The following TXK variants were observed in gnomAD, a reference collection of about 807,000 sequenced individuals.
TXK encodes TXK tyrosine kinase, also known as tyrosine-protein kinase TXK.
Under a neutral mutation model 81.0 loss-of-function variants are expected in TXK, and 60 were observed. The observed-to-expected ratio is 0.74, with a 90% CI of 0.60 to 0.92. The LOEUF (loss-of-function observed/expected upper bound fraction) is 0.92, where lower values mean the gene tolerates loss of function less well. Ranked by LOEUF, TXK falls within the 40% of genes least tolerant of loss-of-function variation. The pLI, the probability that TXK is intolerant of heterozygous loss-of-function variation, is 0.00. For missense variants in TXK, 581 were observed against 638.3 expected, an observed-to-expected ratio of 0.91 and a Z score of 0.97; for synonymous variants, 203 against 210.7, an observed-to-expected ratio of 0.96 and a Z score of 0.32.
chr4:48,116,786 C>T lies in TXK; in HGVS notation c.17-2384G>A, dbSNP rs567269930. Among the ~76,000 whole-genome samples the T allele has an allele frequency of 4.9e-4, 74 of 152,354 alleles. No homozygotes were observed. In the South Asian group the frequency reaches 5.8e-3, roughly 12 times the overall value. On this transcript the variant is annotated intron_variant, in intron 1 of 14. Coordinates refer to ENST00000264316, the MANE Select transcript of TXK (RefSeq NM_003328.3). Reference sequence around the variant, plus strand: ...GCCAGATGGTTGTATGTAAATCACACAGCAGCAAACAGCAGGCTGGTGAAA... The same window carrying T: ...GCCAGATGGTTGTATGTAAATCACATAGCAGCAAACAGCAGGCTGGTGAAA...
chr4:48,085,491 G>A (rs1234566613), intron 10 of TXK, among the ~76,000 whole-genome samples: 1 of 152,080 alleles, frequency 6.6e-6, no homozygotes, highest in Non-Finnish European at 1.5e-5. Flanking sequence ...CAGGAGGCAG[G>A]GAAATACTAG....
At chr4:48,089,666 A>T in intron 9 of TXK, 84 bp downstream of exon 9, 1 of 1,150,438 alleles carries the variant, frequency 8.7e-7, no homozygotes, top group Non-Finnish European at 1.3e-6. Flanking sequence ...TGCTAGGATT[A>T]CAGCTGTGAG....
intron 5 of TXK, among the ~76,000 whole-genome samples, chr4:48,108,716 T>A (rs1303777005): frequency 6.6e-6 from 1 of 152,212 alleles, no homozygotes; most frequent in Non-Finnish European, 1.5e-5. Context: ...AAAGGATGAT[T>A]TTTTAAAAAA....
intron 10 of TXK, among the ~76,000 whole-genome samples, chr4:48,081,826 C>T (rs749670240): frequency 6.6e-4 from 100 of 152,262 alleles, no homozygotes; most frequent in Non-Finnish European, 9.1e-4. Flanking sequence ...TCCCCCTAAA[C>T]CCGTTTGGTC....
At chr4:48,075,845 C>T (rs1216785278) in intron 12 of TXK, among the ~76,000 whole-genome samples, 1 of 152,052 alleles carries the variant, frequency 6.6e-6, no homozygotes, top group Non-Finnish European at 1.5e-5. Context: ...AGAACTTGGA[C>T]TTTGAAGCTT....
chr4:48,106,347 A>G (rs1424319504), intron 5 of TXK, among the ~76,000 whole-genome samples: 1 of 152,044 alleles, frequency 6.6e-6, no homozygotes, highest in Non-Finnish European at 1.5e-5. Flanking sequence ...ACAGTATTTC[A>G]GAATTTCATC....
At chr4:48,096,928 C>A (rs190314024) in intron 6 of TXK, among the ~76,000 whole-genome samples, 1 of 152,246 alleles carries the variant, frequency 6.6e-6, no homozygotes, top group East Asian at 1.9e-4. Flanking sequence ...CTCTGCTATG[C>A]AGTTCAAGCA....
intron 5 of TXK, among the ~76,000 whole-genome samples, chr4:48,106,840 T>C (rs1400437348): frequency 6.6e-6 from 1 of 152,220 alleles, no homozygotes; most frequent in Non-Finnish European, 1.5e-5. Context: ...ATATTAGATA[T>C]TTGCCTCTGA....
At chr4:48,130,867 T>C (rs1380865075) in intron 1 of TXK, among the ~76,000 whole-genome samples, 1 of 152,060 alleles carries the variant, frequency 6.6e-6, no homozygotes, top group Non-Finnish European at 1.5e-5. Flanking sequence ...TCAGATCCAG[T>C]TATGGAGATG....
chr4:48,088,789 T>C (rs901621338), intron 9 of TXK, among the ~76,000 whole-genome samples: 1 of 152,198 alleles, frequency 6.6e-6, no homozygotes, highest in African/African-American at 2.4e-5. Context: ...CAGGCACCAA[T>C]AATAGCCAGA....
intron 9 of TXK, among the ~76,000 whole-genome samples, chr4:48,087,009 T>C (rs938455799): frequency 6.6e-6 from 1 of 152,040 alleles, no homozygotes; most frequent in African/African-American, 2.4e-5. Flanking sequence ...GTGAGTAAAC[T>C]TGTAAGGCAA....
intron 1 of TXK, among the ~76,000 whole-genome samples, chr4:48,130,413 C>A (rs1363424594): frequency 6.6e-6 from 1 of 152,166 alleles, no homozygotes; most frequent in Non-Finnish European, 1.5e-5. Flanking sequence ...GAATTCCAAG[C>A]AGGTCATGGT....
intron 1 of TXK, 23 bp downstream of exon 1, chr4:48,134,132 A>G (rs1242903933): frequency 6.2e-7 from 1 of 1,612,462 alleles, no homozygotes; most frequent in Non-Finnish European, 8.5e-7. Context: ...CCAAAAATAA[A>G]TGACAAAGCC....
intron 9 of TXK, among the ~76,000 whole-genome samples, chr4:48,087,733 C>A (rs1179318463): frequency 2.0e-5 from 3 of 152,228 alleles, no homozygotes; most frequent in African/African-American, 7.2e-5. Context: ...CCACACCCGG[C>A]CTCATAGGTA....
At chr4:48,067,790 G>C in intron 14 of TXK, 85 bp from the exon 15 acceptor site, 1 of 1,304,480 alleles carries the variant, frequency 7.7e-7, no homozygotes, top group Non-Finnish European at 1.1e-6. Context: ...GCATGTGGGA[G>C]TCACTTATAT....
intron 1 of TXK, among the ~76,000 whole-genome samples, chr4:48,126,471 G>T (rs907900335): frequency 1.3e-5 from 2 of 152,176 alleles, no homozygotes; most frequent in African/African-American, 4.8e-5. Flanking sequence ...CCTTATTCAA[G>T]TGTCAACAAC....
At chr4:48,073,262 C>G (rs1383880455) in intron 13 of TXK, among the ~76,000 whole-genome samples, 1 of 152,118 alleles carries the variant, frequency 6.6e-6, no homozygotes, top group Non-Finnish European at 1.5e-5. Context: ...TGACACCCTT[C>G]TGAGGACCCA....
rs548248558 is a variant in TXK, at chr4:48,112,099, G to C, written c.380+208C>G. Among the ~76,000 whole-genome samples, 3 of 152,312 alleles carry C rather than the reference G, an allele frequency of 2.0e-5. No individual in the cohort carries two copies. The South Asian group carries it at 6.2e-4, about 32-fold the overall frequency. On this transcript the variant is annotated intron_variant, in intron 4 of 14. Coordinates refer to ENST00000264316, the MANE Select transcript of TXK (RefSeq NM_003328.3). ...GTGACTTGCCCGGGGACACACAATA[G>C]TAAGCGGCAGCATCAGGATGTGAAG...
At chr4:48,089,214 CAG>C (rs1717652878) in intron 9 of TXK, among the ~76,000 whole-genome samples, 1 of 152,068 alleles carries the variant, frequency 6.6e-6, no homozygotes, top group Non-Finnish European at 1.5e-5. Context: ...GGTAATGTAA[CAG>C]TGAAATCTGA....
Sources: allele counts gnomAD v4.1 joint callset (sites outside exome capture counted in the v4.1 genomes callset), GRCh38; gene constraint gnomAD v4.1.1; transcripts MANE v1.5; gene names NCBI Gene and HGNC (gene_info 2026-07-23, HGNC 2026-07-21).